Variants in KATNAL1 observed in about 807,000 individuals in gnomAD.
The protein encoded by KATNAL1 is katanin p60 ATPase-containing subunit A-like 1.
A neutral mutation model predicts 55.2 loss-of-function variants in KATNAL1; 32 were observed. That is an observed-to-expected ratio of 0.58 (90% CI 0.44 to 0.78). The LOEUF (loss-of-function observed/expected upper bound fraction) is 0.78, where lower values mean the gene tolerates loss of function less well. Ranked by LOEUF, KATNAL1 falls within the 30% of genes least tolerant of loss-of-function variation. The probability of loss-of-function intolerance (pLI) is 0.00; values close to 1 mark genes in which losing one functional copy is unlikely to be tolerated. For synonymous variants in KATNAL1, 193 were observed against 193.6 expected (o/e 1.00, Z 0.02); for missense variants, 466 against 600.9 (o/e 0.78, Z 2.35).
chr13:30,282,912 G>A (rs1466791302), intron 2 of KATNAL1, among the ~76,000 whole-genome samples: 3 of 141,446 alleles, frequency 2.1e-5, no homozygotes, highest in African/African-American at 5.3e-5. Flanking sequence ...CCGAGATCGC[G>A]CCACTGCACT....
Position 30,210,236 on chromosome 13 carries a change from C to T in KATNAL1, c.1274+80G>A, listed in dbSNP as rs1593821732. The T allele has an allele frequency of 8.0e-6, 10 of 1,242,324 alleles. No homozygotes were observed. In the East Asian group the frequency reaches 2.4e-4, roughly 30 times the overall value. 77.0% of individuals were successfully genotyped at this position (1,242,324 alleles called of 1,614,324 possible). On this transcript the variant is annotated intron_variant, in intron 10 of 10. Coordinates refer to ENST00000380615, the MANE Select transcript of KATNAL1 (RefSeq NM_032116.5). ...TGCTTTCATGTCTAACTACACTGGG[C>T]TAACTACATTGACTTTAAGACCAGT...
At chr13:30,296,708 C>G in intron 1 of KATNAL1, 3 of 592,378 alleles carry the variant, frequency 5.1e-6, no homozygotes, top group Non-Finnish European at 9.8e-6. Flanking sequence ...TGGATGACGG[C>G]GAGGAATATT....
At chr13:30,265,906 A>G (rs914842619) in intron 3 of KATNAL1, among the ~76,000 whole-genome samples, 10 of 147,046 alleles carry the variant, frequency 6.8e-5, no homozygotes, top group Non-Finnish European at 1.2e-4. Flanking sequence ...CAGCTACTTG[A>G]GAGGCGGGGG....
At chr13:30,223,236 G>A (rs534313770) in intron 9 of KATNAL1, among the ~76,000 whole-genome samples, 12 of 149,522 alleles carry the variant, frequency 8.0e-5, no homozygotes, top group South Asian at 4.2e-4. Context: ...TCAGGAGATC[G>A]AGACCATCCT....
At chr13:30,289,349 C>T (rs997891086) in intron 1 of KATNAL1, among the ~76,000 whole-genome samples, 2 of 152,218 alleles carry the variant, frequency 1.3e-5, no homozygotes, top group East Asian at 1.9e-4. Context: ...CTTCTCCAGA[C>T]ACAATTCTGC....
chr13:30,239,682 G>C (rs1877051135), intron 6 of KATNAL1, among the ~76,000 whole-genome samples: 2 of 121,622 alleles, frequency 1.6e-5, no homozygotes, highest in Admixed American at 2.4e-4. Context: ...TGATACAGAA[G>C]TGATTTTTTT....
At chr13:30,290,147 G>C (rs1416652477) in intron 1 of KATNAL1, among the ~76,000 whole-genome samples, 3 of 152,102 alleles carry the variant, frequency 2.0e-5, no homozygotes, top group African/African-American at 7.2e-5. Flanking sequence ...TAAGAATCTA[G>C]CAAGGGAAGC....
chr13:30,300,544 A>G (rs1882793251), intron 1 of KATNAL1, among the ~76,000 whole-genome samples: 1 of 152,208 alleles, frequency 6.6e-6, no homozygotes. Context: ...GTTTCTCCAA[A>G]TCACCGAAGT....
chr13:30,259,618 A>T (rs1448107819), intron 3 of KATNAL1, among the ~76,000 whole-genome samples: 1 of 152,186 alleles, frequency 6.6e-6, no homozygotes, highest in East Asian at 1.9e-4. Flanking sequence ...GACAGACGGC[A>T]CCTGGAAAAT....
At chr13:30,260,798 G>A (rs1015126551) in intron 3 of KATNAL1, among the ~76,000 whole-genome samples, 1 of 147,828 alleles carries the variant, frequency 6.8e-6, no homozygotes, top group African/African-American at 2.5e-5. Context: ...ACACTCTGCA[G>A]GATATCATCC....
At chr13:30,302,766 A>G (rs1366463407) in intron 1 of KATNAL1, among the ~76,000 whole-genome samples, 1 of 152,232 alleles carries the variant, frequency 6.6e-6, no homozygotes. Context: ...ATCCTTTGAG[A>G]GAGGGGCCAG....
At chr13:30,234,641 A>C (rs1351573081) in intron 6 of KATNAL1, among the ~76,000 whole-genome samples, 1 of 151,874 alleles carries the variant, frequency 6.6e-6, no homozygotes, top group Non-Finnish European at 1.5e-5. Context: ...ATCATCAACC[A>C]CCCTTTATAT....
intron 1 of KATNAL1, among the ~76,000 whole-genome samples, chr13:30,300,670 C>G (rs539950702): frequency 6.6e-6 from 1 of 152,286 alleles, no homozygotes; most frequent in South Asian, 2.1e-4. Flanking sequence ...AATGAACCTA[C>G]TATGTGAGTA....
chr13:30,278,872 T>A (rs559185613), intron 3 of KATNAL1, among the ~76,000 whole-genome samples: 12 of 152,196 alleles, frequency 7.9e-5, no homozygotes, highest in Non-Finnish European at 1.5e-4. Flanking sequence ...TACCCTAGTA[T>A]AAAACACCTG....
chr13:30,282,178 ACTGT>A (rs56874952), intron 2 of KATNAL1, among the ~76,000 whole-genome samples: 82,003 of 151,682 alleles, frequency 0.54, 23,712 homozygotes, highest in African/African-American at 0.76. Flanking sequence ...CAAGTTTTTA[ACTGT>A]CTTATTAAAT....
intron 2 of KATNAL1, among the ~76,000 whole-genome samples, chr13:30,281,160 T>C (rs1205896966): frequency 7.2e-6 from 1 of 139,158 alleles, no homozygotes; most frequent in Admixed American, 7.6e-5. Context: ...AAATTACAAT[T>C]ATAAATTCAT....
intron 1 of KATNAL1, among the ~76,000 whole-genome samples, chr13:30,284,425 T>C (rs1385720304): frequency 6.6e-6 from 1 of 152,140 alleles, no homozygotes; most frequent in Non-Finnish European, 1.5e-5. Context: ...AATTTATTCT[T>C]GACAATATAA....
intron 6 of KATNAL1, among the ~76,000 whole-genome samples, chr13:30,235,099 T>C (rs1876523024): frequency 6.6e-6 from 1 of 152,226 alleles, no homozygotes; most frequent in Non-Finnish European, 1.5e-5. Flanking sequence ...AATCATTCAA[T>C]TGATCACGTG....
intron 3 of KATNAL1, among the ~76,000 whole-genome samples, chr13:30,266,768 C>G (rs1324198950): frequency 6.6e-6 from 1 of 152,204 alleles, no homozygotes; most frequent in East Asian, 1.9e-4. Context: ...ATCTGCTTAA[C>G]TACTACAGAA....
Sources: gnomAD v4.1 joint callset for allele counts (sites outside exome capture counted in the v4.1 genomes callset) on GRCh38, gnomAD v4.1.1 for gene constraint, MANE v1.5 for transcripts, NCBI Gene and HGNC (gene_info 2026-07-23, HGNC 2026-07-21) for gene names.